FSTL5: variants seen among roughly 807,000 people sequenced by gnomAD.
FSTL5 encodes the protein follistatin-related protein 5.
A neutral mutation model predicts 89.1 loss-of-function variants in FSTL5; 62 were observed. The ratio of observed to expected loss-of-function variants is 0.70; its 90% confidence interval spans 0.57 to 0.86. FSTL5 has a LOEUF of 0.86. Ranked by LOEUF, FSTL5 falls within the 40% of genes least tolerant of loss-of-function variation. The pLI, the probability that FSTL5 is intolerant of heterozygous loss-of-function variation, is 0.00. For missense variants in FSTL5, 1,057 were observed against 1,001.6 expected (o/e 1.06, Z -0.75); for synonymous variants, 383 against 346.2 (o/e 1.11, Z -1.18).
At chr4:161,607,311 T>C (rs1734485791) in intron 7 of FSTL5, among the ~76,000 whole-genome samples, 1 of 152,192 alleles carries the variant, frequency 6.6e-6, no homozygotes, top group African/African-American at 2.4e-5. Context: ...TCTTTTTTTC[T>C]GTGTGCAGCT....
intron 7 of FSTL5, among the ~76,000 whole-genome samples, chr4:161,635,143 A>G (rs1039544172): frequency 6.6e-6 from 1 of 151,996 alleles, no homozygotes; most frequent in Non-Finnish European, 1.5e-5. Flanking sequence ...AATCCCAGCA[A>G]TTTGGGAGGC....
intron 7 of FSTL5, among the ~76,000 whole-genome samples, chr4:161,598,906 T>C (rs924649470): frequency 1.3e-5 from 2 of 152,160 alleles, no homozygotes; most frequent in Admixed American, 6.6e-5. Flanking sequence ...AGAAAATATC[T>C]TTATAATCTC....
At chr4:162,009,537 G>A (rs1448458696) in intron 3 of FSTL5, among the ~76,000 whole-genome samples, 3 of 151,908 alleles carry the variant, frequency 2.0e-5, no homozygotes, top group Non-Finnish European at 2.9e-5. Context: ...AGCACTCCTT[G>A]GATTCATATT....
chr4:161,775,530 T>G (rs2126803803), intron 5 of FSTL5, among the ~76,000 whole-genome samples: 1 of 152,268 alleles, frequency 6.6e-6, no homozygotes, highest in Non-Finnish European at 1.5e-5. Flanking sequence ...AAATCAGCTT[T>G]TATTGACTTA....
intron 4 of FSTL5, among the ~76,000 whole-genome samples, chr4:161,798,818 T>C (rs1729711895): frequency 6.6e-6 from 1 of 151,670 alleles, no homozygotes; most frequent in Non-Finnish European, 1.5e-5. Flanking sequence ...AAGTGTTTTG[T>C]TTTAATAATC....
chr4:161,507,227 T>A (rs1054690158), intron 11 of FSTL5, among the ~76,000 whole-genome samples: 1 of 151,844 alleles, frequency 6.6e-6, no homozygotes, highest in African/African-American at 2.4e-5. Context: ...GCCTATATAA[T>A]CCAAAACATA....
At chr4:161,919,429 A>G (rs1232575938) in intron 4 of FSTL5, among the ~76,000 whole-genome samples, 1 of 152,220 alleles carries the variant, frequency 6.6e-6, no homozygotes, top group Admixed American at 6.5e-5. Context: ...ATATTGTGTT[A>G]GAGAAAGTTT....
intron 1 of FSTL5, among the ~76,000 whole-genome samples, chr4:162,144,817 T>C (rs1199536805): frequency 6.6e-6 from 1 of 152,084 alleles, no homozygotes; most frequent in Non-Finnish European, 1.5e-5. Context: ...TTTTCTTATG[T>C]AAATTTTTAT....
intron 6 of FSTL5, among the ~76,000 whole-genome samples, chr4:161,741,232 G>A (rs984868793): frequency 1.3e-5 from 2 of 152,198 alleles, no homozygotes; most frequent in Non-Finnish European, 2.9e-5. Context: ...TTACCAGATA[G>A]AATTAAGACA....
chr4:161,619,817 G>GA (rs1320493284), intron 7 of FSTL5, among the ~76,000 whole-genome samples: 1 of 152,058 alleles, frequency 6.6e-6, no homozygotes, highest in Non-Finnish European at 1.5e-5. Flanking sequence ...AATACCACTT[G>GA]ACCCAGCCAT....
chr4:161,602,136 G>A (rs1213154579), intron 7 of FSTL5, among the ~76,000 whole-genome samples: 1 of 151,570 alleles, frequency 6.6e-6, no homozygotes, highest in African/African-American at 2.4e-5. Flanking sequence ...GCAAAAAAGT[G>A]TTGAAGGACA....
intron 15 of FSTL5, among the ~76,000 whole-genome samples, chr4:161,419,122 C>T (rs569691011): frequency 2.0e-5 from 3 of 152,174 alleles, no homozygotes; most frequent in Non-Finnish European, 4.4e-5. Flanking sequence ...ATAATACACA[C>T]ATACTCCCTT....
chr4:161,860,552 A>C (rs1731877770), intron 4 of FSTL5, among the ~76,000 whole-genome samples: 1 of 152,222 alleles, frequency 6.6e-6, no homozygotes, highest in South Asian at 2.1e-4. Context: ...CTGAATTAGC[A>C]GGAATCTATG....
chr4:162,156,132 G>GA (rs1579070868), intron 1 of FSTL5, among the ~76,000 whole-genome samples: 1 of 152,080 alleles, frequency 6.6e-6, no homozygotes, highest in East Asian at 1.9e-4. Flanking sequence ...ATACAAACAT[G>GA]AAAAAATGCT....
chr4:161,934,983 C>G (rs1352308115), intron 3 of FSTL5, among the ~76,000 whole-genome samples: 1 of 152,084 alleles, frequency 6.6e-6, no homozygotes, highest in Non-Finnish European at 1.5e-5. Flanking sequence ...CTACTTAAAC[C>G]TAGATGGTTC....
chr4:161,426,710 G>A (rs970114748), intron 15 of FSTL5, among the ~76,000 whole-genome samples: 33 of 152,150 alleles, frequency 2.2e-4, no homozygotes, highest in Admixed American at 4.6e-4. Context: ...TCCTTCCTCA[G>A]CCTCCCGAGT....
intron 7 of FSTL5, among the ~76,000 whole-genome samples, chr4:161,632,788 A>C (rs944660981): frequency 6.6e-6 from 1 of 152,194 alleles, no homozygotes; most frequent in African/African-American, 2.4e-5. Flanking sequence ...TAGTATTTTC[A>C]TTAATAAAAT....
intron 15 of FSTL5, among the ~76,000 whole-genome samples, chr4:161,409,277 A>T (rs559316325): frequency 6.6e-6 from 1 of 152,318 alleles, no homozygotes; most frequent in East Asian, 1.9e-4. Flanking sequence ...TAAAGAAAAG[A>T]AATTTCAATC....
At chr4:162,077,220 G>C (rs1335259933) in intron 2 of FSTL5, among the ~76,000 whole-genome samples, 1 of 151,712 alleles carries the variant, frequency 6.6e-6, no homozygotes, top group East Asian at 1.9e-4. Context: ...GAGAGTGAGG[G>C]AGAGATAAAG....
Sources: allele counts gnomAD v4.1 joint callset (sites outside exome capture counted in the v4.1 genomes callset), GRCh38; gene constraint gnomAD v4.1.1; transcripts MANE v1.5; gene names NCBI Gene and HGNC (gene_info 2026-07-23, HGNC 2026-07-21).